Variants in ZNF142 observed in about 807,000 individuals in gnomAD.
The protein encoded by ZNF142 is zinc finger protein 142.
Under a neutral mutation model 132.1 loss-of-function variants are expected in ZNF142, and 96 were observed. The observed-to-expected ratio is 0.73, with a 90% CI of 0.62 to 0.86. The LOEUF is 0.86. Among genes scored for constraint, ZNF142 ranks in the 40% least tolerant of loss-of-function variants. The pLI is 0.00. For missense variants in ZNF142, 2,163 were observed against 2,336.2 expected (o/e 0.93, Z 1.53); for synonymous variants, 842 against 890.1 (o/e 0.95, Z 0.96).
chr2:218,650,244 G>C (rs1473881512), intron 6 of ZNF142, 115 bp downstream of exon 6: 18 of 1,301,918 alleles, frequency 1.4e-5, no homozygotes, highest in Non-Finnish European at 1.8e-5. Context: ...AGGTAGAACA[G>C]AATAAAAGGA....
rs1575061447 is a variant in ZNF142 at position 218,642,754 on chromosome 2, T to C, written c.4362A>G (p.Thr1454=). 1 of 1,614,140 alleles carries C rather than the reference T, an allele frequency of 6.2e-7. No individual in the cohort carries two copies. Residue 1454 remains threonine (T), a synonymous_variant, in exon 9 of 11, where the codon ACA becomes ACG. Transcript: ENST00000411696. The surrounding 1 kb of genome is among the most constrained non-coding windows in gnomAD (Gnocchi z 4.6). ...CACAAAGTGGACAGAAGTGGGTAGG[T>C]GTTTTGTCATGTACCCTTAACCGGT... ...RLHRLRVHDK[T]PTHFCPLCDY...
chr2:218,651,610 A>G, intron 5 of ZNF142, 91 bp downstream of exon 5: 1 of 1,184,818 alleles, frequency 8.4e-7, no homozygotes, highest in East Asian at 5.8e-5. Flanking sequence ...ATATTCATGT[A>G]CATTCATGGC....
chr2:218,656,297 G>T lies in ZNF142; in HGVS notation c.133C>A (p.Pro45Thr). Residue 45 changes from proline (P) to threonine (T), a missense_variant, in exon 4 of 11, where the codon CCT becomes ACT. Physicochemically the swap from Pro to Thr is conservative, Grantham distance 38 (BLOSUM62 -1). This residue lies in a region of ZNF142 where 195 missense variants were observed against 172.4 expected (regional missense o/e 1.13). Transcript: ENST00000411696. ...GGTATAGGTGCAGGGTCCCGGGAAG[G>T]ACAGGGGCTCTGGACAGGCCCCAGG... ...GILGPVQSPC[P>T]SRDPAPIPTE... The T allele has an allele frequency of 6.2e-7, 1 of 1,612,596 alleles. No individual in the cohort carries two copies. The highest frequency in any genetic ancestry group is 2.2e-5 in the East Asian group (1 of 44,850).
Position 218,644,163 on chromosome 2 carries a change from T to G in ZNF142, c.2953A>C (p.Thr985Pro). 1 of 1,614,106 alleles carries G rather than the reference T, an allele frequency of 6.2e-7. No homozygotes were observed. Among genetic ancestry groups the G allele is most frequent in the Non-Finnish European group, 8.5e-7 (1 of 1,180,000 alleles). The stretch of plus-strand genomic sequence containing the variant: ...GGTGCTGTCTCAGCAGGTGGAGTTG[T>G]CTTGAAGGTTCCTACCCAGTTGTTA... The part of the protein sequence containing the change: ...APNNWVGTFK[T>P]TPPAETAPLP... The change falls in exon 9 of 11, where the codon ACA becomes CCA. Residue 985 changes from threonine (T) to proline (P), a missense_variant. Physicochemically the swap from Thr to Pro is conservative, Grantham distance 38. This residue lies in a region of ZNF142 where 809 missense variants were observed against 801.7 expected (regional missense o/e 1.01). Coordinates refer to ENST00000411696, the MANE Select transcript of ZNF142 (RefSeq NM_001379659.1). This position sits in a 1 kb window ranked among gnomAD's most constrained non-coding sequence, Gnocchi z 4.6.
At chr2:218,640,885 A>G (rs1003055896) in intron 9 of ZNF142, 116 bp from the exon 10 acceptor site, 1 of 756,074 alleles carries the variant, frequency 1.3e-6, no homozygotes, top group Admixed American at 2.7e-5. Context: ...GCAAGCAGAC[A>G]TTATGGAACT....
rs529418580 is a variant in ZNF142 at position 218,651,984 on chromosome 2, G to A, written c.597C>T (p.Gly199=). Residue 199 remains glycine, a synonymous_variant, in exon 5 of 11, where the codon GGC becomes GGT. Coordinates refer to ENST00000411696, the MANE Select transcript of ZNF142 (RefSeq NM_001379659.1). The part of the protein sequence containing the change: ...TPDTFSCPES[G]CVFSAEDRKG... ...TGCGATCTTCAGCAGAGAACACACA[G>A]CCAGATTCTGGGCAGGAGAAGGTGT... is the stretch of plus-strand genomic sequence containing the variant. 5.1e-6 allele frequency: 4 copies of A among 783,198 alleles called. No homozygotes were observed. The highest frequency in any genetic ancestry group is 1.3e-4 in the East Asian group (2 of 15,740). The allele number at this position is 783,198 out of a possible 1,614,324, so 48.5% of individuals were successfully genotyped here. A position where few individuals can be genotyped will look rare whatever the true frequency, so the allele number is the denominator to read the frequency against.
At chr2:218,650,985 TTC>T (rs1937930890) in intron 5 of ZNF142, among the ~76,000 whole-genome samples, 1 of 121,328 alleles carries the variant, frequency 8.2e-6, no homozygotes, top group African/African-American at 3.0e-5. Context: ...CTTTCTTTAC[TTC>T]TTTTTTTTTT....
chr2:218,638,517 T>C lies in ZNF142; in HGVS notation c.5486A>G (p.Lys1829Arg), dbSNP rs755664207. 6.2e-6 allele frequency: 10 copies of C among 1,609,098 alleles called. No homozygotes were observed. The South Asian group carries it at 1.1e-4, about 18-fold the overall frequency. ...GACCACCTGGAACTTTTGCTTGGCC[T>C]TGTAGTTGCAGAGGCGGCAAAAGAA... ...HPFFCRLCNY[K>R]AKQKFQVVKH... The change falls in exon 11 of 11, where the codon AAG becomes AGG. Residue 1829 changes from lysine (K) to arginine (R), a missense_variant. Coordinates refer to ENST00000411696, the MANE Select transcript of ZNF142 (RefSeq NM_001379659.1).
At position 218,642,861 on chromosome 2, in the gene ZNF142, G is replaced by A; in HGVS notation, c.4255C>T (p.Gln1419Ter). Residue 1419 changes from glutamine to a stop codon, truncating the protein, a stop_gained, in exon 9 of 11, where the codon CAG (glutamine) becomes TAG (stop). Coordinates refer to ENST00000411696, the MANE Select transcript of ZNF142 (RefSeq NM_001379659.1). LOFTEE classifies it high-confidence loss of function. This position sits in a 1 kb window ranked among gnomAD's most constrained non-coding sequence, Gnocchi z 4.6. The stretch of plus-strand genomic sequence containing the variant: ...CGGCCAATGCCTGTGTGTCGGGACT[G>A]GTGAGCCTCTAACCGGTACCGTCTG... Reference protein sequence around the residue: ...TTRRYRLEAHQSRHTGIGRIP... With the variant: ...TTRRYRLEAH 6.2e-7 allele frequency: 1 copy of A among 1,614,178 alleles called. No individual in the cohort carries two copies.
In ZNF142 at chr2:218,638,636, C is replaced by G. The variant is rs769805203; in HGVS notation, c.5367G>C (p.Glu1789Asp). ...LLRTHLRKHS[E>D]AKPYVCNVCH... ...ACACATTGCACACATAGGGTTTGGC[C>G]TCACTGTGCTTGCGAAGGTGGGTGC... The change falls in exon 11 of 11, where the codon GAG becomes GAC. Residue 1789 changes from glutamate to aspartate, a missense_variant. Transcript: ENST00000411696. 1.2e-6 allele frequency: 2 copies of G among 1,614,132 alleles called. No homozygotes were observed. Among genetic ancestry groups the G allele is most frequent in the Non-Finnish European group, 1.7e-6 (2 of 1,180,054 alleles).
intron 10 of ZNF142, among the ~76,000 whole-genome samples, chr2:218,639,561 T>C (rs1294102283): frequency 6.6e-6 from 1 of 151,980 alleles, no homozygotes; most frequent in Non-Finnish European, 1.5e-5. Context: ...GGCAACAAAG[T>C]GAGACCCTGT....
At chr2:218,654,695 C>A (rs1173273370) in intron 4 of ZNF142, among the ~76,000 whole-genome samples, 2 of 151,754 alleles carry the variant, frequency 1.3e-5, no homozygotes, top group African/African-American at 4.8e-5. Context: ...GAATTTATTT[C>A]TTTGCTAGTG....
chr2:218,651,283 A>G (rs1312122750), intron 5 of ZNF142, among the ~76,000 whole-genome samples: 1 of 152,222 alleles, frequency 6.6e-6, no homozygotes, highest in Non-Finnish European at 1.5e-5. Context: ...TGCCCAGCCC[A>G]AAGGGTTATT....
Position 218,636,736 on chromosome 2 carries a change from G to A in ZNF142, c.*1603C>T. On this transcript the variant is annotated 3_prime_UTR_variant, in exon 11 of 11. Coordinates refer to ENST00000411696, the MANE Select transcript of ZNF142 (RefSeq NM_001379659.1). ...TCATTCTTCCTAACAAGCAATCTGGGACCTGATTTTCCACCTTTTTTCTCT... is the reference window on the plus strand; with the variant it reads ...TCATTCTTCCTAACAAGCAATCTGGAACCTGATTTTCCACCTTTTTTCTCT... The A allele has an allele frequency of 1.3e-6, 1 of 782,794 alleles. No homozygotes were observed. Among genetic ancestry groups the A allele is most frequent in the Non-Finnish European group, 2.1e-6 (1 of 477,154 alleles). 48.5% of individuals were successfully genotyped at this position (782,794 alleles called of 1,614,324 possible). A position where few individuals can be genotyped will look rare whatever the true frequency, so the allele number is the denominator to read the frequency against.
chr2:218,650,620 C>T, intron 5 of ZNF142, 94 bp from the exon 6 acceptor site: 1 of 1,249,562 alleles, frequency 8.0e-7, no homozygotes, highest in East Asian at 2.5e-5. Flanking sequence ...TAATCACCCT[C>T]TCCCACTTTT....
chr2:218,656,343 C>CG lies in ZNF142; in HGVS notation c.86dup (p.Pro30AlafsTer4), dbSNP rs750522983. On this transcript the variant is annotated frameshift_variant, in exon 4 of 11. Coordinates refer to ENST00000411696, the MANE Select transcript of ZNF142 (RefSeq NM_001379659.1). LOFTEE classifies it high-confidence loss of function. ...CCAGGATTCCACGGTTAGAGAGAGG[C>CG]GGGGGGATCAGCAATAGCTCAGGGC... 4 of 1,585,586 alleles carry CG rather than the reference C, an allele frequency of 2.5e-6. No individual in the cohort carries two copies. The highest frequency in any genetic ancestry group is 4.5e-5 in the East Asian group (2 of 44,032).
chr2:218,633,557 C>T lies in ZNF142; in HGVS notation c.*4782G>A, dbSNP rs754358701. The T allele has an allele frequency of 1.9e-6, 3 of 1,589,192 alleles. No homozygotes were observed. Among genetic ancestry groups the T allele is most frequent in the East Asian group, 2.2e-5 (1 of 44,744 alleles). On this transcript the variant is annotated 3_prime_UTR_variant, in exon 11 of 11. Transcript: ENST00000411696. Reference sequence around the variant, plus strand: ...TTGGATGGCCATTATCTTCTTCTCTCTCAGACTGCTGAGGGTTCAATTCCA... The same window carrying T: ...TTGGATGGCCATTATCTTCTTCTCTTTCAGACTGCTGAGGGTTCAATTCCA...
chr2:218,641,904 G>T, intron 9 of ZNF142, 124 bp downstream of exon 9: 2 of 1,244,546 alleles, frequency 1.6e-6, no homozygotes, highest in Non-Finnish European at 2.2e-6. Flanking sequence ...TCTGAGGCTT[G>T]GTAAAGGAAC....
In ZNF142 at chr2:218,633,878, T is replaced by G; in HGVS notation, c.*4461A>C. The G allele has an allele frequency of 1.3e-5, 14 of 1,109,692 alleles. No homozygotes were observed. Among genetic ancestry groups the G allele is most frequent in the African/African-American group, 3.1e-5 (2 of 64,268 alleles). 68.7% of individuals were successfully genotyped at this position (1,109,692 alleles called of 1,614,324 possible). On this transcript the variant is annotated 3_prime_UTR_variant, in exon 11 of 11. Transcript: ENST00000411696. ...GGTAGCTAAGGAGAGATGAAGGAGT[T>G]CAGAAACTCCTTAGAGCAGACAAGG...
Sources: gnomAD v4.1 joint callset for allele counts (sites outside exome capture counted in the v4.1 genomes callset) on GRCh38, gnomAD v4.1.1 for gene constraint, gnomAD v4.1.1 regional missense constraint, Gnocchi (gnomAD v3.1) non-coding constraint, MANE v1.5 for transcripts, NCBI Gene and HGNC (gene_info 2026-07-23, HGNC 2026-07-21) for gene names.